Variants in CLYBL observed in about 807,000 individuals in gnomAD.
CLYBL encodes citramalyl-CoA lyase.
In CLYBL, 31 loss-of-function variants were observed where a neutral mutation model predicts 38.9. That is an observed-to-expected ratio of 0.80 (90% CI 0.60 to 1.08). The LOEUF (loss-of-function observed/expected upper bound fraction) is 1.08. Ranked by LOEUF, CLYBL falls within the 50% of genes least tolerant of loss-of-function variation. The pLI is 0.00. For synonymous variants in CLYBL, 171 were observed against 158.6 expected (o/e 1.08, Z -0.59); for missense variants, 434 against 411.6 (o/e 1.05, Z -0.47).
At chr13:99,648,116 C>T (rs1236637551) in intron 1 of CLYBL, among the ~76,000 whole-genome samples, 1 of 151,962 alleles carries the variant, frequency 6.6e-6, no homozygotes, top group African/African-American at 2.4e-5. Flanking sequence ...CCATTAAGTT[C>T]CAGGTCACAG....
chr13:99,891,943 G>C (rs2052499545), intron 8 of CLYBL: 1 of 152,382 alleles, frequency 6.6e-6, no homozygotes, highest in East Asian at 1.9e-4. Flanking sequence ...GTATTATATT[G>C]GCTTAAAAAG....
chr13:99,633,210 CAAAAA>C (rs59801603), intron 1 of CLYBL, among the ~76,000 whole-genome samples: 714 of 62,700 alleles, frequency 0.011, 3 homozygotes, highest in African/African-American at 0.039. Flanking sequence ...GATCCTGTCT[CAAAAA>C]AAAAAAAAAA....
chr13:99,846,309 T>TTG (rs2051204728), intron 2 of CLYBL, among the ~76,000 whole-genome samples: 1 of 144,504 alleles, frequency 6.9e-6, no homozygotes, highest in Non-Finnish European at 1.5e-5. Flanking sequence ...TTTTTTTTTT[T>TTG]GAGACGGGGT....
intron 2 of CLYBL, among the ~76,000 whole-genome samples, chr13:99,825,346 G>T (rs1454679461): frequency 1.3e-5 from 2 of 152,110 alleles, no homozygotes; most frequent in African/African-American, 4.8e-5. Flanking sequence ...TCCTAGGGTT[G>T]CTACAAGGAT....
At chr13:99,716,980 G>A (rs1417871590) in intron 1 of CLYBL, among the ~76,000 whole-genome samples, 27 of 142,732 alleles carry the variant, frequency 1.9e-4, no homozygotes, top group African/African-American at 6.4e-4. Context: ...TAGTAGAGAC[G>A]GGGTTTCTCC....
At chr13:99,773,683 A>G (rs2049449889) in intron 2 of CLYBL, among the ~76,000 whole-genome samples, 2 of 152,164 alleles carry the variant, frequency 1.3e-5, no homozygotes, top group African/African-American at 4.8e-5. Context: ...TAATTCTAAA[A>G]TTGTGGTGTA....
At chr13:99,843,512 C>A (rs1169591899) in intron 2 of CLYBL, among the ~76,000 whole-genome samples, 2 of 152,054 alleles carry the variant, frequency 1.3e-5, no homozygotes, top group Non-Finnish European at 2.9e-5. Flanking sequence ...TCTCCATTAC[C>A]TAAAATGGTA....
intron 1 of CLYBL, among the ~76,000 whole-genome samples, chr13:99,633,210 C>CAAAAAAAAA (rs59801603): frequency 1.6e-5 from 1 of 62,730 alleles, no homozygotes; most frequent in Non-Finnish European, 2.9e-5. Flanking sequence ...GATCCTGTCT[C>CAAAAAAAAA]AAAAAAAAAA....
At position 99,865,043 on chromosome 13, in the gene CLYBL, C is replaced by T. The variant is rs2051708172; in HGVS notation, c.634+132C>T. On this transcript the variant is annotated intron_variant, in intron 5 of 8. Coordinates refer to ENST00000339105, the MANE Select transcript of CLYBL (RefSeq NM_206808.5). The surrounding 1 kb of genome is among the most constrained non-coding windows in gnomAD (Gnocchi z 4.7). ...TTTGCCAACCATGACAATGGTTTTT[C>T]ATGACAATGGAATGGACACTACTTC... 2.7e-6 allele frequency: 2 copies of T among 730,014 alleles called. No homozygotes were observed. Among genetic ancestry groups the T allele is most frequent in the Non-Finnish European group, 5.0e-6 (2 of 400,030 alleles). The allele number at this position is 730,014 out of a possible 1,614,324, so 45.2% of individuals were successfully genotyped here. A position where few individuals can be genotyped will look rare whatever the true frequency, so the allele number is the denominator to read the frequency against.
At chr13:99,608,847 CTTTTTTTTTTTTT>C (rs57961216) in intron 1 of CLYBL, among the ~76,000 whole-genome samples, 4,675 of 87,952 alleles carry the variant, frequency 0.053, 183 homozygotes, top group African/African-American at 0.24. Context: ...AGTGATGAGT[CTTTTTTTTTTTTT>C]TTTTTTTTTT....
At chr13:99,876,442 G>GA (rs1294800147) in intron 7 of CLYBL, among the ~76,000 whole-genome samples, 1,950 of 122,650 alleles carry the variant, frequency 0.016, 55 homozygotes, top group African/African-American at 0.057. Context: ...AAAAAAAAAA[G>GA]AGTGTTTTTA....
chr13:99,804,189 C>T (rs1184202405), intron 2 of CLYBL, among the ~76,000 whole-genome samples: 1 of 152,226 alleles, frequency 6.6e-6, no homozygotes, highest in East Asian at 1.9e-4. Flanking sequence ...GCGAGCACCT[C>T]ATCAACAAAG....
chr13:99,813,718 T>C (rs1283542556), intron 2 of CLYBL, among the ~76,000 whole-genome samples: 2 of 152,186 alleles, frequency 1.3e-5, no homozygotes, highest in Non-Finnish European at 2.9e-5. Flanking sequence ...AGAATATGCA[T>C]GTAAAATGCT....
chr13:99,609,394 C>G (rs1044182572), intron 1 of CLYBL, among the ~76,000 whole-genome samples: 1 of 152,018 alleles, frequency 6.6e-6, no homozygotes, highest in Non-Finnish European at 1.5e-5. Flanking sequence ...CCAGGATGGT[C>G]TCGATCTTCT....
At chr13:99,909,219 ACT>A (rs1398641149) in exon 10 of CLYBL, among the ~76,000 whole-genome samples, 2 of 152,064 alleles carry the variant, frequency 1.3e-5, no homozygotes, top group Admixed American at 6.5e-5. Context: ...AATCACGAAG[ACT>A]CTGTTATTAG....
rs57249330 is a variant in CLYBL, at chr13:99,818,446, A to AACACACACACACACACACAC, written c.250-40396_250-40377dup. On this transcript the variant is annotated intron_variant, in intron 2 of 8. Coordinates refer to ENST00000339105, the MANE Select transcript of CLYBL (RefSeq NM_206808.5). ...CCCCTGAAGATCACATGGAGCAGAA[A>AACACACACACACACACACAC]ACACACACACACACACACACACACA... Among the ~76,000 whole-genome samples, 265 of 143,314 alleles carry AACACACACACACACACACAC rather than the reference A, an allele frequency of 1.8e-3. 3 individuals are homozygous for AACACACACACACACACACAC. Among genetic ancestry groups the AACACACACACACACACACAC allele is most frequent in the Admixed American group, 6.4e-3 (92 of 14,342 alleles). 94.0% of individuals were successfully genotyped at this position (143,314 alleles called of 152,430 possible).
At chr13:99,745,419 T>C (rs74112546) in intron 1 of CLYBL, among the ~76,000 whole-genome samples, 3,199 of 152,260 alleles carry the variant, frequency 0.021, 112 homozygotes, top group African/African-American at 0.072. Flanking sequence ...AGAAACTGTT[T>C]TGCACTTTAA....
chr13:99,816,274 C>T (rs1354840081), intron 2 of CLYBL, among the ~76,000 whole-genome samples: 1 of 152,208 alleles, frequency 6.6e-6, no homozygotes, highest in Non-Finnish European at 1.5e-5. Flanking sequence ...GATTTAACAT[C>T]AAAATGCCAA....
intron 7 of CLYBL, among the ~76,000 whole-genome samples, chr13:99,874,692 T>C (rs2051995415): frequency 1.3e-5 from 2 of 152,210 alleles, no homozygotes; most frequent in South Asian, 4.1e-4. Flanking sequence ...CATTCAAGTA[T>C]GTATGATAAC....
Sources: gnomAD v4.1 joint callset for allele counts (sites outside exome capture counted in the v4.1 genomes callset) on GRCh38, gnomAD v4.1.1 for gene constraint, Gnocchi (gnomAD v3.1) non-coding constraint, MANE v1.5 for transcripts, NCBI Gene and HGNC (gene_info 2026-07-23, HGNC 2026-07-21) for gene names.